Variants in SH3KBP1 observed in about 807,000 individuals in gnomAD.
The protein encoded by SH3KBP1 is SH3 domain-containing kinase-binding protein 1.
SH3KBP1 carries 8 observed loss-of-function variants against 50.1 expected under a neutral mutation model. That is an observed-to-expected ratio of 0.16 (90% CI 0.09 to 0.29). The LOEUF is 0.29. Among genes scored for constraint, SH3KBP1 ranks in the 10% least tolerant of loss-of-function variants. The pLI is 1.00. For synonymous variants in SH3KBP1, 227 were observed against 218.6 expected (o/e 1.04, Z -0.34); for missense variants, 377 against 535.2 (o/e 0.70, Z 2.92).
intron 6 of SH3KBP1, among the ~76,000 whole-genome samples, chrX:19,661,698 C>T (rs1875490366): frequency 9.6e-6 from 1 of 103,738 alleles, no homozygotes; most frequent in Non-Finnish European, 2.0e-5. Context: ...GCAATCTCGG[C>T]TCACTGCAAC....
chrX:19,869,545 C>A (rs1160187980), intron 1 of SH3KBP1, among the ~76,000 whole-genome samples: 1 of 112,359 alleles, frequency 8.9e-6, no homozygotes, highest in African/African-American at 3.2e-5. Context: ...CTGAGCAAAG[C>A]AATTCACTCA....
chrX:19,854,257 A>G (rs2068589386), intron 1 of SH3KBP1, among the ~76,000 whole-genome samples: 1 of 110,434 alleles, frequency 9.1e-6, no homozygotes, highest in Admixed American at 9.6e-5. Context: ...CTGGGACTAC[A>G]GGCATGTGCC....
intron 1 of SH3KBP1, among the ~76,000 whole-genome samples, chrX:19,863,518 G>C (rs1475926672): frequency 1.8e-5 from 2 of 112,381 alleles, no homozygotes; most frequent in East Asian, 5.6e-4. Flanking sequence ...AAAAGAACTT[G>C]TCAGTTCTTC....
rs1433926959 is a variant in SH3KBP1, at chrX:19,536,055, G to C, written c.*362C>G. 7.8e-6 allele frequency: 1 copy of C among 128,093 alleles called. No homozygotes were observed. Among genetic ancestry groups the C allele is most frequent in the African/African-American group, 3.2e-5 (1 of 31,656 alleles). 10.6% of individuals were successfully genotyped at this position (128,093 alleles called of 1,213,427 possible). A position where few individuals can be genotyped will look rare whatever the true frequency, so the allele number is the denominator to read the frequency against. On this transcript the variant is annotated 3_prime_UTR_variant, in exon 18 of 18. Transcript: ENST00000397821. ...GATTAAAAAATCATAAAATTATAAA[G>C]CTTGTAAACGAATAATCTGAAATTA...
chrX:19,813,442 C>G (rs1252017094), intron 2 of SH3KBP1, among the ~76,000 whole-genome samples: 2 of 110,892 alleles, frequency 1.8e-5, no homozygotes, highest in Non-Finnish European at 3.8e-5. Context: ...CGATCACAAT[C>G]AAGCTAATTA....
At chrX:19,849,683 G>GAAAAA (rs61338118) in intron 1 of SH3KBP1, among the ~76,000 whole-genome samples, 3 of 48,839 alleles carry the variant, frequency 6.1e-5, no homozygotes, top group Non-Finnish European at 3.9e-5. Context: ...GTAGCAGAGT[G>GAAAAA]AAAAAAAAAA....
At chrX:19,569,255 C>T in intron 12 of SH3KBP1, 67 bp from the exon 13 acceptor site, 1 of 970,730 alleles carries the variant, frequency 1.0e-6, no homozygotes, top group Non-Finnish European at 1.5e-6. Context: ...TGTCAGTTTT[C>T]TTGCTGCACA....
chrX:19,673,065 CAA>C (rs1174045446), intron 6 of SH3KBP1, among the ~76,000 whole-genome samples: 18 of 37,321 alleles, frequency 4.8e-4, no homozygotes, highest in African/African-American at 1.0e-3. Flanking sequence ...GATTCTGTCT[CAA>C]AAAAAAAAAA....
rs1385158087 is a variant in SH3KBP1 at position 19,690,053 on chromosome X, TCTCTCTC to T, written c.520+5552_520+5558del. Reference sequence around the variant, plus strand: ...AAAACCATCTTTCTCTCTCTCTCTCTCTCTCTCTTTTTTTTTTTTTTTTTGAGACAGG... The same window carrying T: ...AAAACCATCTTTCTCTCTCTCTCTCTTTTTTTTTTTTTTTTTTGAGACAGG... On this transcript the variant is annotated intron_variant, in intron 5 of 17. Transcript: ENST00000397821. 5.8e-3 allele frequency among the ~76,000 whole-genome samples: 589 copies of T among 100,699 alleles called. 5 individuals are homozygous for T. The highest frequency in any genetic ancestry group is 0.023 in the African/African-American group (564 of 24,619). 87.4% of individuals were successfully genotyped at this position (100,699 alleles called of 115,157 possible).
At chrX:19,829,734 A>G (rs930205585) in intron 2 of SH3KBP1, among the ~76,000 whole-genome samples, 9 of 109,785 alleles carry the variant, frequency 8.2e-5, no homozygotes, top group Non-Finnish European at 1.3e-4. Flanking sequence ...AAAAAAAAAA[A>G]AAGAAGAAGA....
At chrX:19,582,852 G>C (rs1280032908) in intron 12 of SH3KBP1, among the ~76,000 whole-genome samples, 1 of 111,522 alleles carries the variant, frequency 9.0e-6, no homozygotes, top group Non-Finnish European at 1.9e-5. Flanking sequence ...TGGGATGTCT[G>C]AGTTTGGGAG....
At position 19,747,840 on chromosome X, in the gene SH3KBP1, C is replaced by G. The variant is rs1420590598; in HGVS notation, c.163-1399G>C. ...GCTCAGCCCTAGCCCAACACCGGTA[C>G]CTCTGCACACCACACAAAGCTGTGT... On this transcript the variant is annotated intron_variant, in intron 2 of 17. Coordinates refer to ENST00000397821, the MANE Select transcript of SH3KBP1 (RefSeq NM_031892.3). 4 of 265,716 alleles carry G rather than the reference C, an allele frequency of 1.5e-5. No individual in the cohort carries two copies. The Admixed American group carries it at 1.7e-4, about 11-fold the overall frequency. The allele number at this position is 265,716 out of a possible 1,213,427, so 21.9% of individuals were successfully genotyped here.
intron 2 of SH3KBP1, among the ~76,000 whole-genome samples, chrX:19,766,120 A>G: frequency 8.9e-6 from 1 of 111,732 alleles, no homozygotes; most frequent in Non-Finnish European, 1.9e-5. Context: ...ACCATTTTAC[A>G]TCCCCACCGA....
At chrX:19,849,958 A>G (rs764962916) in intron 1 of SH3KBP1, among the ~76,000 whole-genome samples, 7 of 111,523 alleles carry the variant, frequency 6.3e-5, no homozygotes, top group Non-Finnish European at 1.3e-4. Context: ...TGCAAGTAGA[A>G]GAATAATGTC....
At chrX:19,540,527 G>A (rs5909309) in intron 16 of SH3KBP1, among the ~76,000 whole-genome samples, 4 of 110,497 alleles carry the variant, frequency 3.6e-5, no homozygotes, top group Admixed American at 9.5e-5. Flanking sequence ...TTGCTTAACC[G>A]AGTTATCCCC....
intron 11 of SH3KBP1, among the ~76,000 whole-genome samples, chrX:19,589,341 C>A (rs1261818426): frequency 9.0e-6 from 1 of 111,460 alleles, no homozygotes; most frequent in African/African-American, 3.3e-5. Context: ...TGGTCAATGG[C>A]CCACGGGACC....
At chrX:19,549,328 C>A (rs1230358475) in intron 14 of SH3KBP1, among the ~76,000 whole-genome samples, 1 of 111,978 alleles carries the variant, frequency 8.9e-6, no homozygotes, top group Non-Finnish European at 1.9e-5. Context: ...TTACAGATAA[C>A]TTTCTTCTTT....
intron 6 of SH3KBP1, among the ~76,000 whole-genome samples, chrX:19,653,132 G>A (rs1262789263): frequency 9.0e-6 from 1 of 111,149 alleles, no homozygotes; most frequent in Non-Finnish European, 1.9e-5. Flanking sequence ...TGGGACCACA[G>A]GTGTGTACCA....
chrX:19,832,500 C>T (rs1251809673), intron 2 of SH3KBP1, among the ~76,000 whole-genome samples: 1 of 111,239 alleles, frequency 9.0e-6, no homozygotes, highest in African/African-American at 3.3e-5. Context: ...GCCAGGGACT[C>T]GAAACAAGGA....
Sources: allele counts gnomAD v4.1 joint callset (sites outside exome capture counted in the v4.1 genomes callset), GRCh38; gene constraint gnomAD v4.1.1; transcripts MANE v1.5; gene names NCBI Gene and HGNC (gene_info 2026-07-23, HGNC 2026-07-21).